GFAP: variants seen among roughly 807,000 people sequenced by gnomAD.
GFAP encodes glial fibrillary acidic protein.
GFAP carries 38 observed loss-of-function variants against 49.3 expected under a neutral mutation model. The observed-to-expected ratio is 0.77, with a 90% CI of 0.60 to 1.01. The LOEUF (loss-of-function observed/expected upper bound fraction) is 1.01, where lower values mean the gene tolerates loss of function less well. Ranked by LOEUF, GFAP falls within the 50% of genes least tolerant of loss-of-function variation. The pLI is 0.00. For synonymous variants in GFAP, 222 were observed against 236.4 expected, an observed-to-expected ratio of 0.94 and a Z score of 0.56; for missense variants, 463 against 579.1, an observed-to-expected ratio of 0.80 and a Z score of 2.06.
chr17:44,911,203 G>C (rs772680699), intron 6 of GFAP, 33 bp downstream of exon 6: 1 of 1,585,088 alleles, frequency 6.3e-7, no homozygotes, highest in Non-Finnish European at 8.7e-7. Flanking sequence ...AGGCAGCAGG[G>C]AGACTTCCCC....
chr17:44,914,011 C>T lies in GFAP; in HGVS notation c.522+17G>A, dbSNP rs2051844095. The T allele has an allele frequency of 6.5e-7, 1 of 1,538,544 alleles. No homozygotes were observed. The highest frequency in any genetic ancestry group is 1.2e-5 in the South Asian group (1 of 84,688). On this transcript the variant is annotated intron_variant, in intron 2 of 8. Transcript: ENST00000588735. Reference sequence around the variant, plus strand: ...TCCTTTCCTCCCTCCCCTGCCCCTCCCCTCCACCTCCCTGACCTGTCTATA... The same window carrying T: ...TCCTTTCCTCCCTCCCCTGCCCCTCTCCTCCACCTCCCTGACCTGTCTATA...
At position 44,904,211 on chromosome 17, in the gene GFAP, C is replaced by T. The variant is rs756050213; in HGVS notation, c.*3136G>A. 6.3e-5 allele frequency: 98 copies of T among 1,550,424 alleles called. 1 individual carries two copies. The highest frequency in any genetic ancestry group is 3.7e-4 in the South Asian group (31 of 84,026). On this transcript the variant is annotated 3_prime_UTR_variant, in exon 9 of 9. Coordinates refer to ENST00000588735, the MANE Select transcript of GFAP (RefSeq NM_002055.5). ...CTCAGGCCTGTACTTCTGCGGCACC[C>T]GCAAGGGGGACTACTTTTACGCCTA...
chr17:44,911,145 G>C, intron 6 of GFAP, 91 bp downstream of exon 6: 5 of 1,154,614 alleles, frequency 4.3e-6, no homozygotes, highest in Non-Finnish European at 6.5e-6. Context: ...TGCACACAAG[G>C]CTGAAAAAGA....
In GFAP at chr17:44,910,171, G is replaced by A. The variant is rs199499396; in HGVS notation, c.1171+444C>T. The A allele has an allele frequency of 4.3e-5, 70 of 1,613,564 alleles. No homozygotes were observed. Among genetic ancestry groups the A allele is most frequent in the Admixed American group, 8.3e-5 (5 of 60,002 alleles). The stretch of plus-strand genomic sequence containing the variant: ...GCCGGCGGCGTTCCATTTACAATCT[G>A]GTGAGCCTGTATTGGTATAACTCGT... On this transcript the variant is annotated intron_variant, in intron 7 of 8. Transcript: ENST00000588735.
In GFAP at chr17:44,904,351, A is replaced by G; in HGVS notation, c.*2996T>C. The G allele has an allele frequency of 6.5e-7, 1 of 1,542,844 alleles. No homozygotes were observed. Among genetic ancestry groups the G allele is most frequent in the African/African-American group, 1.4e-5 (1 of 72,986 alleles). ...TCCATGTCTTCACCACCTTCTGGGA[A>G]TGGACCCCCTGTGACCGCTGCGGAG... On this transcript the variant is annotated 3_prime_UTR_variant, in exon 9 of 9. Transcript: ENST00000588735.
At chr17:44,910,366 T>C in intron 7 of GFAP, 3 of 1,609,956 alleles carry the variant, frequency 1.9e-6, no homozygotes, top group Non-Finnish European at 2.5e-6. Flanking sequence ...CACCCAGTTC[T>C]GCTGTCGAAT....
chr17:44,913,671 T>C (rs1440038051), intron 3 of GFAP, 57 bp downstream of exon 3: 9 of 1,300,724 alleles, frequency 6.9e-6, no homozygotes, highest in East Asian at 2.3e-5. Context: ...TCTCTGTCTC[T>C]CCCTCTCTCA....
At chr17:44,914,814 G>A in intron 1 of GFAP, 1 of 594,616 alleles carries the variant, frequency 1.7e-6, no homozygotes, top group South Asian at 2.0e-5. Flanking sequence ...TGGACTCCTG[G>A]CAGAAGGCAT....
In GFAP at chr17:44,903,814, C is replaced by G; in HGVS notation, c.*3533G>C. On this transcript the variant is annotated 3_prime_UTR_variant, in exon 9 of 9. Coordinates refer to ENST00000588735, the MANE Select transcript of GFAP (RefSeq NM_002055.5). ...CTGGTTTTGCCCTGCCCCTCTGACC[C>G]CTGCCTCCTTCAGGTATGCACCTGG... The G allele has an allele frequency of 3.9e-6, 6 of 1,544,986 alleles. No homozygotes were observed. Among genetic ancestry groups the G allele is most frequent in the Non-Finnish European group, 4.4e-6 (5 of 1,143,636 alleles).
At chr17:44,910,113 C>T (rs373656294) in intron 7 of GFAP, 33 of 1,613,748 alleles carry the variant, frequency 2.0e-5, no homozygotes, top group African/African-American at 1.3e-4. Flanking sequence ...CTGGGCAAAG[C>T]GCCGTGTCTG....
chr17:44,911,178 A>G (rs2145632379), intron 6 of GFAP, 58 bp downstream of exon 6: 1 of 1,470,046 alleles, frequency 6.8e-7, no homozygotes, highest in Non-Finnish European at 9.5e-7. Context: ...AGGGAGCAAG[A>G]TGAGCTCTAC....
At chr17:44,910,705 C>T (rs1199437864) in intron 6 of GFAP, 47 bp from the exon 7 acceptor site, 1 of 1,566,784 alleles carries the variant, frequency 6.4e-7, no homozygotes, top group Admixed American at 1.9e-5. Flanking sequence ...CCTGGGACAC[C>T]CCTAGGCTGG....
chr17:44,913,175 T>C, intron 4 of GFAP, 94 bp downstream of exon 4: 1 of 1,244,050 alleles, frequency 8.0e-7, no homozygotes, highest in Non-Finnish European at 1.2e-6. Flanking sequence ...GAGAGGATAT[T>C]CTCCCAGCTT....
intron 4 of GFAP, chr17:44,912,952 T>TC (rs917573717): frequency 5.2e-6 from 2 of 385,122 alleles, no homozygotes; most frequent in African/African-American, 4.1e-5. Flanking sequence ...TTAGTTAACC[T>TC]CTCTGGACTT....
rs146298944 is a variant in GFAP, at chr17:44,908,085, G to T, written c.1236C>A (p.Thr412=). The T allele has an allele frequency of 3.2e-4, 508 of 1,608,018 alleles. 1 individual carries two copies. In the African/African-American group the frequency reaches 5.7e-3, roughly 18 times the overall value. The part of the protein sequence containing the change: ...GHLKRNIVVK[T]VEMRDGEVIK... The stretch of plus-strand genomic sequence containing the variant: ...TTACCTCTCCATCCCGCATCTCCAC[G>T]GTCTTCACCACGATGTTCCTCTTGA... The change falls in exon 8 of 9, where the codon ACC becomes ACA. Residue 412 remains threonine (T), a synonymous_variant. Transcript: ENST00000588735.
chr17:44,913,666 G>T, intron 3 of GFAP, 62 bp downstream of exon 3: 1 of 1,272,236 alleles, frequency 7.9e-7, no homozygotes, highest in Non-Finnish European at 1.1e-6. Flanking sequence ...CTCTGTCTCT[G>T]TCTCTCCCTC....
In GFAP at chr17:44,907,321, G is replaced by A. The variant is rs1203339009; in HGVS notation, c.*26C>T. ...CTGCTCGGGCCCCTCATGAGACGGG[G>A]CAGAGGCCACCAGGTGGGTCCTGCC... On this transcript the variant is annotated 3_prime_UTR_variant, in exon 9 of 9. Transcript: ENST00000588735. 4 of 1,611,150 alleles carry A rather than the reference G, an allele frequency of 2.5e-6. No individual in the cohort carries two copies. Among genetic ancestry groups the A allele is most frequent in the Non-Finnish European group, 3.4e-6 (4 of 1,177,368 alleles).
At chr17:44,913,932 A>G in intron 2 of GFAP, 96 bp downstream of exon 2, 1 of 1,297,944 alleles carries the variant, frequency 7.7e-7, no homozygotes, top group Non-Finnish European at 1.1e-6. Context: ...GGGGAGCAGC[A>G]CATTGCTCTG....
In GFAP at chr17:44,905,300, CAT is replaced by C. The variant is rs1367482884; in HGVS notation, c.*2045_*2046del. The C allele has an allele frequency of 1.8e-6, 1 of 550,154 alleles. No individual in the cohort carries two copies. The highest frequency in any genetic ancestry group is 3.3e-6 in the Non-Finnish European group (1 of 301,788). 34.1% of individuals were successfully genotyped at this position (550,154 alleles called of 1,614,324 possible). On this transcript the variant is annotated 3_prime_UTR_variant, in exon 9 of 9. Coordinates refer to ENST00000588735, the MANE Select transcript of GFAP (RefSeq NM_002055.5). ...CTGAGCTCAGGATGGAAGTAGGGCACATGTGTTTCCTGACTTCACATTTAGGT... is the reference window on the plus strand; with the variant it reads ...CTGAGCTCAGGATGGAAGTAGGGCACGTGTTTCCTGACTTCACATTTAGGT...
Sources: gnomAD v4.1 joint callset for allele counts on GRCh38, gnomAD v4.1.1 for gene constraint, MANE v1.5 for transcripts, NCBI Gene and HGNC (gene_info 2026-07-23, HGNC 2026-07-21) for gene names.